Variants in ABL1 observed in about 807,000 individuals in gnomAD.
ABL1 encodes the protein tyrosine-protein kinase ABL1.
ABL1 carries 11 observed loss-of-function variants against 94.7 expected under a neutral mutation model. The ratio of observed to expected loss-of-function variants is 0.12; its 90% CI spans 0.07 to 0.19. The LOEUF (loss-of-function observed/expected upper bound fraction) is 0.19. Among genes scored for constraint, ABL1 ranks in the 10% least tolerant of loss-of-function variants. The pLI is 1.00. For synonymous variants in ABL1, 656 were observed against 622.4 expected (o/e 1.05, Z -0.80); for missense variants, 1,082 against 1,489.4 (o/e 0.73, Z 4.50).
At chr9:130,837,977 A>C (rs1162607331) in intron 1 of ABL1, among the ~76,000 whole-genome samples, 5 of 152,270 alleles carry the variant, frequency 3.3e-5, no homozygotes, top group African/African-American at 4.8e-5. Flanking sequence ...TTGATGGTGC[A>C]TGCTACCTGC....
chr9:130,885,714 C>T lies in ABL1; in HGVS notation c.*31C>T, dbSNP rs113556934. 63 of 1,586,550 alleles carry T rather than the reference C, an allele frequency of 4.0e-5. No individual in the cohort carries two copies. Among genetic ancestry groups the T allele is most frequent in the South Asian group, 1.7e-4 (15 of 86,138 alleles). ...GTCAGGGGTCAGGTGTCAGGCCCGTCGGAGCTGCCTGCAGCACATGCGGGC... is the reference window on the plus strand; with the variant it reads ...GTCAGGGGTCAGGTGTCAGGCCCGTTGGAGCTGCCTGCAGCACATGCGGGC... On this transcript the variant is annotated 3_prime_UTR_variant, in exon 11 of 11. Transcript: ENST00000318560.
At chr9:130,820,524 C>A (rs146453322) in intron 1 of ABL1, among the ~76,000 whole-genome samples, 1 of 151,660 alleles carries the variant, frequency 6.6e-6, no homozygotes, top group South Asian at 2.1e-4. Flanking sequence ...TACAACCTTC[C>A]CCTCACACAC....
intron 4 of ABL1, among the ~76,000 whole-genome samples, chr9:130,864,568 A>G (rs747205143): frequency 2.3e-4 from 35 of 152,162 alleles, no homozygotes; most frequent in Non-Finnish European, 3.5e-4. Flanking sequence ...TAATTGAATA[A>G]ATATTTATCA....
At chr9:130,834,436 A>G (rs183631971), upstream of ABL1, among the ~76,000 whole-genome samples, 112 of 152,276 alleles carry the variant, frequency 7.4e-4, 1 homozygote, top group East Asian at 0.019. Flanking sequence ...CAGTAACACG[A>G]CTGTGATTGT....
At chr9:130,759,871 C>T (rs2313531) in intron 1 of ABL1, among the ~76,000 whole-genome samples, 45,389 of 151,778 alleles carry the variant, frequency 0.3, 9,355 homozygotes, top group African/African-American at 0.56. Context: ...CAGCTCACTG[C>T]AGCTCTAACC....
At chr9:130,756,101 A>G (rs561135203) in intron 1 of ABL1, among the ~76,000 whole-genome samples, 1 of 152,208 alleles carries the variant, frequency 6.6e-6, no homozygotes, top group East Asian at 1.9e-4. Context: ...AGGGGCAACC[A>G]CTTTTCTCAT....
chr9:130,788,333 C>T (rs772261475), intron 1 of ABL1, among the ~76,000 whole-genome samples: 19 of 152,146 alleles, frequency 1.2e-4, no homozygotes, highest in Non-Finnish European at 2.4e-4. Flanking sequence ...CCATTTCCCC[C>T]CTTCTATATG....
At chr9:130,787,992 G>T (rs1443241736) in intron 1 of ABL1, among the ~76,000 whole-genome samples, 3 of 135,798 alleles carry the variant, frequency 2.2e-5, no homozygotes, top group Admixed American at 1.4e-4. Context: ...TTTTTGTTGG[G>T]TTGAAAGTTC....
chr9:130,860,495 T>C lies in ABL1; in HGVS notation c.550-2268T>C, dbSNP rs992662352. 2.6e-5 allele frequency among the ~76,000 whole-genome samples: 4 copies of C among 152,166 alleles called. No individual in the cohort carries two copies. In the South Asian group the frequency reaches 8.3e-4, roughly 32 times the overall value. ...CGTAAACTAGGACTTAGGGGAGCCCTTAGCATTCCACTTTGGAGTGAAGGA... is the reference window on the plus strand; with the variant it reads ...CGTAAACTAGGACTTAGGGGAGCCCCTAGCATTCCACTTTGGAGTGAAGGA... On this transcript the variant is annotated intron_variant, in intron 3 of 10. Coordinates refer to ENST00000318560, the MANE Select transcript of ABL1 (RefSeq NM_005157.6).
At chr9:130,773,914 C>A (rs1219803407) in intron 1 of ABL1, among the ~76,000 whole-genome samples, 1 of 152,178 alleles carries the variant, frequency 6.6e-6, no homozygotes, top group African/African-American at 2.4e-5. Context: ...CCATCATCCT[C>A]AGAAGTTTCC....
At position 130,887,515 on chromosome 9, in the gene ABL1, C is replaced by T. The variant is rs1831609285; in HGVS notation, c.*1832C>T. The T allele has an allele frequency of 4.3e-6, 1 of 233,338 alleles. No individual in the cohort carries two copies. Among genetic ancestry groups the T allele is most frequent in the Middle Eastern group, 1.3e-3 (1 of 786 alleles). 14.5% of individuals were successfully genotyped at this position (233,338 alleles called of 1,614,324 possible). A position where few individuals can be genotyped will look rare whatever the true frequency, so the allele number is the denominator to read the frequency against. ...GACGCTCTTTTCTAAGTGGCGTGTG[C>T]ATAGCGTCCTGCCCTGCCCCCTCGG... On this transcript the variant is annotated 3_prime_UTR_variant, in exon 11 of 11. Coordinates refer to ENST00000318560, the MANE Select transcript of ABL1 (RefSeq NM_005157.6).
At chr9:130,866,621 G>C (rs764227313) in intron 4 of ABL1, among the ~76,000 whole-genome samples, 4 of 152,102 alleles carry the variant, frequency 2.6e-5, no homozygotes, top group Non-Finnish European at 5.9e-5. Context: ...GCAACCTTGG[G>C]TCATTCATAT....
chr9:130,885,428 C>T lies in ABL1; in HGVS notation c.3138C>T (p.Asn1046=), dbSNP rs1287905726. ...CGCTGTGCCTCGCCATCTCTAGGAA[C>T]TCCGAGCAGATGGCCAGCCACAGCG... ...TEALCLAISR[N]SEQMASHSAV... Residue 1046 remains asparagine, a synonymous_variant, in exon 11 of 11, where the codon AAC becomes AAT. Transcript: ENST00000318560. 6.2e-7 allele frequency: 1 copy of T among 1,613,728 alleles called. No individual in the cohort carries two copies. Among genetic ancestry groups the T allele is most frequent in the Non-Finnish European group, 8.5e-7 (1 of 1,180,042 alleles).
intron 1 of ABL1, among the ~76,000 whole-genome samples, chr9:130,727,649 G>A (rs1460000503): frequency 1.3e-5 from 2 of 151,412 alleles, no homozygotes; most frequent in Admixed American, 6.6e-5. Flanking sequence ...ATAGCTACTC[G>A]GGAGGCTGAG....
At chr9:130,734,204 C>T (rs868197766) in intron 1 of ABL1, among the ~76,000 whole-genome samples, 2 of 148,242 alleles carry the variant, frequency 1.3e-5, no homozygotes, top group African/African-American at 5.1e-5. Context: ...ATTTTTAATA[C>T]TCTATTGAAT....
chr9:130,739,728 G>A (rs962817275), intron 1 of ABL1, among the ~76,000 whole-genome samples: 2 of 152,090 alleles, frequency 1.3e-5, no homozygotes, highest in African/African-American at 4.8e-5. Context: ...GTGGGTACTG[G>A]TAAGTCCACA....
At chr9:130,727,118 AG>A (rs1831596477) in intron 1 of ABL1, among the ~76,000 whole-genome samples, 1 of 152,176 alleles carries the variant, frequency 6.6e-6, no homozygotes, top group African/African-American at 2.4e-5. Flanking sequence ...AGTTGAAAAA[AG>A]TTTGTGTTGT....
intron 1 of ABL1, among the ~76,000 whole-genome samples, chr9:130,734,314 T>C (rs995998474): frequency 6.1e-5 from 9 of 146,536 alleles, no homozygotes; most frequent in Admixed American, 1.4e-4. Context: ...CCTGGGTTCA[T>C]GCCATTCTCC....
At chr9:130,810,580 A>G in intron 1 of ABL1, among the ~76,000 whole-genome samples, 1 of 152,132 alleles carries the variant, frequency 6.6e-6, no homozygotes. Flanking sequence ...GTGATTTTGA[A>G]GACTTAACCA....
Sources: allele counts gnomAD v4.1 joint callset (sites outside exome capture counted in the v4.1 genomes callset), GRCh38; gene constraint gnomAD v4.1.1; transcripts MANE v1.5; gene names NCBI Gene and HGNC (gene_info 2026-07-23, HGNC 2026-07-21).